MEF2A: variants seen among roughly 807,000 people sequenced by gnomAD.
The protein encoded by MEF2A is myocyte-specific enhancer factor 2A.
Under a neutral mutation model 55.8 loss-of-function variants are expected in MEF2A, and 28 were observed. That is an observed-to-expected ratio of 0.50 (90% CI 0.37 to 0.69). The LOEUF (loss-of-function observed/expected upper bound fraction) is 0.69, where lower values mean the gene tolerates loss of function less well. MEF2A is among the 30% of genes least tolerant of loss of function. The pLI is 0.00. For missense variants in MEF2A, 528 were observed against 626.2 expected, an observed-to-expected ratio of 0.84 and a Z score of 1.67; for synonymous variants, 239 against 227.1, an observed-to-expected ratio of 1.05 and a Z score of -0.47.
At position 99,703,242 on chromosome 15, in the gene MEF2A, G is replaced by A. The variant is rs1399183121; in HGVS notation, c.859-120G>A. On this transcript the variant is annotated intron_variant, in intron 8 of 11. Transcript: ENST00000557942. ...ATTTCTATCTGTTGTGTATATAATC[G>A]TCTCTTTAGAGTTCCAGACAGCTGC... 2.4e-5 allele frequency: 20 copies of A among 849,606 alleles called. 1 individual carries two copies. The highest frequency in any genetic ancestry group is 2.2e-4 in the Middle Eastern group (1 of 4,472). 52.6% of individuals were successfully genotyped at this position (849,606 alleles called of 1,614,324 possible). A position where few individuals can be genotyped will look rare whatever the true frequency, so the allele number is the denominator to read the frequency against.
intron 2 of MEF2A, among the ~76,000 whole-genome samples, chr15:99,632,259 G>A (rs2043063341): frequency 6.6e-6 from 1 of 152,200 alleles, no homozygotes; most frequent in South Asian, 2.1e-4. Context: ...ATCTGGAAGT[G>A]CAAACTGAAT....
At chr15:99,706,524 T>C (rs1253773695) in intron 9 of MEF2A, 1 of 555,632 alleles carries the variant, frequency 1.8e-6, no homozygotes, top group Non-Finnish European at 3.1e-6. Context: ...TAATCAACTA[T>C]TTTAAAAGAA....
At chr15:99,579,577 G>C (rs993119943) in intron 1 of MEF2A, among the ~76,000 whole-genome samples, 2 of 151,980 alleles carry the variant, frequency 1.3e-5, no homozygotes, top group Admixed American at 1.3e-4. Flanking sequence ...TGTATTTTTA[G>C]TAGAGACGGG....
intron 8 of MEF2A, among the ~76,000 whole-genome samples, chr15:99,700,028 T>A (rs1240818346): frequency 6.8e-6 from 1 of 146,328 alleles, no homozygotes; most frequent in Non-Finnish European, 1.5e-5. Context: ...GGAGACTAAT[T>A]TTTGTATTTT....
At chr15:99,649,817 A>C (rs1232895204) in intron 4 of MEF2A, among the ~76,000 whole-genome samples, 1 of 152,242 alleles carries the variant, frequency 6.6e-6, no homozygotes, top group Non-Finnish European at 1.5e-5. Context: ...CATCAAAAGA[A>C]CAATTATGCT....
chr15:99,645,849 A>G (rs1402953045), intron 4 of MEF2A, 85 bp downstream of exon 4: 1 of 958,732 alleles, frequency 1.0e-6, no homozygotes, highest in Non-Finnish European at 1.5e-6. Flanking sequence ...TGACTTGTAC[A>G]TCTAAAACAT....
chr15:99,630,599 C>T (rs1187562106), intron 2 of MEF2A, among the ~76,000 whole-genome samples: 2 of 152,016 alleles, frequency 1.3e-5, no homozygotes, highest in Non-Finnish European at 2.9e-5. Context: ...TTTTGATTTC[C>T]AGACATTTAT....
intron 2 of MEF2A, among the ~76,000 whole-genome samples, chr15:99,601,993 G>A (rs1973246386): frequency 6.6e-6 from 1 of 152,046 alleles, no homozygotes; most frequent in Non-Finnish European, 1.5e-5. Context: ...GTTCTTTGTG[G>A]GAAGGTTTTA....
At chr15:99,568,442 A>G (rs1181533038) in intron 1 of MEF2A, among the ~76,000 whole-genome samples, 3 of 152,208 alleles carry the variant, frequency 2.0e-5, no homozygotes, top group Admixed American at 6.5e-5. Flanking sequence ...TCCATCATGC[A>G]TTGTGGGTTA....
At chr15:99,609,570 A>G (rs1976411669) in intron 2 of MEF2A, among the ~76,000 whole-genome samples, 1 of 152,180 alleles carries the variant, frequency 6.6e-6, no homozygotes, top group Non-Finnish European at 1.5e-5. Context: ...AGCATGTACA[A>G]TTGAGGCTCA....
intron 7 of MEF2A, among the ~76,000 whole-genome samples, chr15:99,689,498 T>A (rs1247639355): frequency 8.5e-5 from 13 of 152,156 alleles, no homozygotes; most frequent in Admixed American, 8.5e-4. Flanking sequence ...TTTGTTTCTT[T>A]GAGACACAGT....
At chr15:99,655,085 T>C (rs1448607845) in intron 4 of MEF2A, among the ~76,000 whole-genome samples, 2 of 152,146 alleles carry the variant, frequency 1.3e-5, no homozygotes, top group African/African-American at 2.4e-5. Flanking sequence ...AATATCCTGA[T>C]TGGCTTATTG....
At chr15:99,568,816 A>G (rs755969366) in intron 1 of MEF2A, among the ~76,000 whole-genome samples, 4 of 152,168 alleles carry the variant, frequency 2.6e-5, no homozygotes, top group Non-Finnish European at 5.9e-5. Flanking sequence ...TTGTCATCAG[A>G]CCATACCCCG....
intron 3 of MEF2A, among the ~76,000 whole-genome samples, chr15:99,634,053 C>T (rs2043359604): frequency 6.6e-6 from 1 of 152,138 alleles, no homozygotes; most frequent in South Asian, 2.1e-4. Context: ...TATAAAGGAA[C>T]TACTGGAGAG....
intron 3 of MEF2A, among the ~76,000 whole-genome samples, chr15:99,635,659 C>A (rs1433278189): frequency 6.6e-6 from 1 of 152,076 alleles, no homozygotes; most frequent in Non-Finnish European, 1.5e-5. Flanking sequence ...ATTAATTACA[C>A]CTGTTGTTGA....
chr15:99,575,670 A>G (rs1964041789), intron 1 of MEF2A, among the ~76,000 whole-genome samples: 1 of 152,192 alleles, frequency 6.6e-6, no homozygotes. Context: ...TCCTCCTCCA[A>G]ACGCTTACAG....
chr15:99,687,760 G>C (rs996502511), intron 7 of MEF2A, among the ~76,000 whole-genome samples: 3 of 152,050 alleles, frequency 2.0e-5, no homozygotes, highest in Non-Finnish European at 4.4e-5. Flanking sequence ...TATAATTTTG[G>C]TATATTCATG....
At chr15:99,646,122 C>G (rs994918363) in intron 4 of MEF2A, among the ~76,000 whole-genome samples, 1 of 152,076 alleles carries the variant, frequency 6.6e-6, no homozygotes, top group Non-Finnish European at 1.5e-5. Context: ...TTCATTATGT[C>G]ATTGACAGCT....
intron 1 of MEF2A, among the ~76,000 whole-genome samples, chr15:99,571,889 C>G (rs900201996): frequency 1.3e-5 from 2 of 152,160 alleles, no homozygotes; most frequent in African/African-American, 4.8e-5. Flanking sequence ...CACAATTTGC[C>G]TTGAGCAGTC....
Sources: allele counts gnomAD v4.1 joint callset (sites outside exome capture counted in the v4.1 genomes callset), GRCh38; gene constraint gnomAD v4.1.1; transcripts MANE v1.5; gene names NCBI Gene and HGNC (gene_info 2026-07-23, HGNC 2026-07-21).